The following ARID3A variants were observed in gnomAD, a reference collection of about 807,000 sequenced individuals.
ARID3A encodes AT-rich interaction domain 3A.
A neutral mutation model predicts 52.7 loss-of-function variants in ARID3A; 11 were observed. That is an observed-to-expected ratio of 0.21 (90% CI 0.13 to 0.35). ARID3A has a LOEUF of 0.35. Ranked by LOEUF, ARID3A falls within the 10% of genes least tolerant of loss-of-function variation. ARID3A has a pLI of 1.00. For synonymous variants in ARID3A, 404 were observed against 359.4 expected, an observed-to-expected ratio of 1.12 and a Z score of -1.40; for missense variants, 721 against 838.5, an observed-to-expected ratio of 0.86 and a Z score of 1.73.
In ARID3A at chr19:942,860, C is replaced by T. The variant is rs1027949092; in HGVS notation, c.693+10118C>T. On this transcript the variant is annotated intron_variant, in intron 3 of 8. Coordinates refer to ENST00000263620, the MANE Select transcript of ARID3A (RefSeq NM_005224.3). The surrounding 1 kb of genome is among the most constrained non-coding windows in gnomAD (Gnocchi z 8.1). ...GAGCCCCGTCTGGATTGGATGGCAT[C>T]GCCCAAAACTCACGTCCACCCAGAA... 7.2e-5 allele frequency among the ~76,000 whole-genome samples: 11 copies of T among 152,326 alleles called. No homozygotes were observed. The highest frequency in any genetic ancestry group is 2.1e-4 in the South Asian group (1 of 4,830).
intron 3 of ARID3A, among the ~76,000 whole-genome samples, chr19:958,300 G>A (rs1011679546): frequency 5.3e-5 from 8 of 151,002 alleles, no homozygotes; most frequent in Non-Finnish European, 1.0e-4. Flanking sequence ...GGTGGCGGGC[G>A]CCTGTAGTCC....
Position 959,142 on chromosome 19 carries a change from C to T in ARID3A, c.694-950C>T, listed in dbSNP as rs932256481. 3.3e-5 allele frequency among the ~76,000 whole-genome samples: 5 copies of T among 152,242 alleles called. No individual in the cohort carries two copies. The highest frequency in any genetic ancestry group is 1.2e-4 in the African/African-American group (5 of 41,470). ...CAGACATTTATCAGGACGCATCCTG[C>T]ACGAAGACAGAGGCAGAGGCTGGAG... On this transcript the variant is annotated intron_variant, in intron 3 of 8. Coordinates refer to ENST00000263620, the MANE Select transcript of ARID3A (RefSeq NM_005224.3). This position sits in a 1 kb window ranked among gnomAD's most constrained non-coding sequence, Gnocchi z 5.0.
rs117974097 is a variant in ARID3A at position 944,208 on chromosome 19, C to T, written c.693+11466C>T. On this transcript the variant is annotated intron_variant, in intron 3 of 8. Coordinates refer to ENST00000263620, the MANE Select transcript of ARID3A (RefSeq NM_005224.3). The surrounding 1 kb of genome is among the most constrained non-coding windows in gnomAD (Gnocchi z 5.9). ...ACAGCCGTGCATGAAGCAGAAGCTC[C>T]TGCCGCCGGCACTGGAGTCCTGACG... Among the ~76,000 whole-genome samples the T allele has an allele frequency of 5.9e-5, 9 of 152,378 alleles. No individual in the cohort carries two copies. In the East Asian group the frequency reaches 1.7e-3, roughly 29 times the overall value.
In ARID3A at chr19:956,015, G is replaced by A. The variant is rs141050638; in HGVS notation, c.694-4077G>A. On this transcript the variant is annotated intron_variant, in intron 3 of 8. Coordinates refer to ENST00000263620, the MANE Select transcript of ARID3A (RefSeq NM_005224.3). The stretch of plus-strand genomic sequence containing the variant: ...TCCAGGAGTCCCTTGACATGTGGCC[G>A]GCCTCTGTCTCTGTGCGACCGTCTC... 3.6e-3 allele frequency among the ~76,000 whole-genome samples: 541 copies of A among 152,190 alleles called. 6 individuals are homozygous for A. The highest frequency in any genetic ancestry group is 0.013 in the African/African-American group (529 of 41,544).
In ARID3A at chr19:944,382, G is replaced by A. The variant is rs908872450; in HGVS notation, c.693+11640G>A. 7.2e-5 allele frequency among the ~76,000 whole-genome samples: 11 copies of A among 152,034 alleles called. No individual in the cohort carries two copies. Among genetic ancestry groups the A allele is most frequent in the African/African-American group, 2.7e-4 (11 of 41,390 alleles). On this transcript the variant is annotated intron_variant, in intron 3 of 8. Coordinates refer to ENST00000263620, the MANE Select transcript of ARID3A (RefSeq NM_005224.3). The surrounding 1 kb of genome is among the most constrained non-coding windows in gnomAD (Gnocchi z 5.9). ...GGAGTGTCTGGCTGTGTGGCTGCAC[G>A]GAGGCCTGTCTGGGTAGGAGTGTCG...
In ARID3A at chr19:975,203, C is replaced by T. The variant is rs1313873514; in HGVS notation, c.*3138C>T. On this transcript the variant is annotated 3_prime_UTR_variant, in exon 9 of 9. Transcript: ENST00000263620. ...CGAGGACCCTGGATGGGTTCTAGTT[C>T]ACTTGGGACCGTGGGGCCTGGCTGC... The T allele has an allele frequency of 4.3e-6, 1 of 231,378 alleles. No homozygotes were observed. Among genetic ancestry groups the T allele is most frequent in the Non-Finnish European group, 8.5e-6 (1 of 116,984 alleles). The allele number at this position is 231,378 out of a possible 1,614,324, so 14.3% of individuals were successfully genotyped here. A position where few individuals can be genotyped will look rare whatever the true frequency, so the allele number is the denominator to read the frequency against.
In ARID3A at chr19:964,116, G is replaced by A; in HGVS notation, c.767-132G>A. ...GCACCCACAGAGGGCCCTGGGCAATGTCTGGAGACATCTGTGGTTGTCACA... is the reference window on the plus strand; with the variant it reads ...GCACCCACAGAGGGCCCTGGGCAATATCTGGAGACATCTGTGGTTGTCACA... On this transcript the variant is annotated intron_variant, in intron 4 of 8. Transcript: ENST00000263620. This position sits in a 1 kb window ranked among gnomAD's most constrained non-coding sequence, Gnocchi z 5.7. 1.4e-6 allele frequency: 1 copy of A among 717,298 alleles called. No homozygotes were observed. The highest frequency in any genetic ancestry group is 2.3e-6 in the Non-Finnish European group (1 of 439,382). 44.4% of individuals were successfully genotyped at this position (717,298 alleles called of 1,614,324 possible). A position where few individuals can be genotyped will look rare whatever the true frequency, so the allele number is the denominator to read the frequency against.
Position 941,845 on chromosome 19 carries a change from G to A in ARID3A, c.693+9103G>A, listed in dbSNP as rs1426385928. 6.6e-6 allele frequency among the ~76,000 whole-genome samples: 1 copy of A among 151,680 alleles called. No homozygotes were observed. The highest frequency in any genetic ancestry group is 1.5e-5 in the Non-Finnish European group (1 of 67,966). On this transcript the variant is annotated intron_variant, in intron 3 of 8. Transcript: ENST00000263620. The surrounding 1 kb of genome is among the most constrained non-coding windows in gnomAD (Gnocchi z 6.9). ...GCAAGCGTATGTGTGTGTGCACGTC[G>A]AGGCTGGAGAGTGTGTGTCCAAAAG...
chr19:973,794 T>C lies in ARID3A; in HGVS notation c.*1729T>C. On this transcript the variant is annotated 3_prime_UTR_variant, in exon 9 of 9. Coordinates refer to ENST00000263620, the MANE Select transcript of ARID3A (RefSeq NM_005224.3). ...CCACCACCCTGTGGGTCAGTACCCC[T>C]CCCCCTGGCTTGGAGAAAGTGGGGT... The C allele has an allele frequency of 4.4e-6, 1 of 227,598 alleles. No homozygotes were observed. 14.1% of individuals were successfully genotyped at this position (227,598 alleles called of 1,614,324 possible).
Position 964,393 on chromosome 19 carries a change from C to A in ARID3A, c.912C>A (p.Pro304=). The A allele has an allele frequency of 6.2e-7, 1 of 1,610,440 alleles. No homozygotes were observed. The highest frequency in any genetic ancestry group is 2.2e-5 in the East Asian group (1 of 44,636). ...WREITKGLNL[P]TSITSAAFTL... ...AGATCACCAAGGGCCTCAACCTGCC[C>A]ACGTCCATCACCAGTGCAGCCTTCA... The change falls in exon 5 of 9, where the codon CCC becomes CCA. Residue 304 remains proline, a synonymous_variant. Coordinates refer to ENST00000263620, the MANE Select transcript of ARID3A (RefSeq NM_005224.3). The surrounding 1 kb of genome is among the most constrained non-coding windows in gnomAD (Gnocchi z 5.7).
chr19:960,230 C>G lies in ARID3A; in HGVS notation c.766+66C>G. 6.8e-7 allele frequency: 1 copy of G among 1,471,288 alleles called. No homozygotes were observed. The highest frequency in any genetic ancestry group is 9.3e-7 in the Non-Finnish European group (1 of 1,072,148). The allele number at this position is 1,471,288 out of a possible 1,614,324, so 91.1% of individuals were successfully genotyped here. A position where few individuals can be genotyped will look rare whatever the true frequency, so the allele number is the denominator to read the frequency against. ...AAACAGGGCTGTAGGAGGGGCCCTA[C>G]TGGCTCCAGGTATGTCGGGGCGGTG... On this transcript the variant is annotated intron_variant, in intron 4 of 8. Coordinates refer to ENST00000263620, the MANE Select transcript of ARID3A (RefSeq NM_005224.3). The surrounding 1 kb of genome is among the most constrained non-coding windows in gnomAD (Gnocchi z 4.3).
At chr19:939,740 G>T (rs886435134) in intron 3 of ARID3A, among the ~76,000 whole-genome samples, 15 of 152,082 alleles carry the variant, frequency 9.9e-5, no homozygotes, top group Non-Finnish European at 1.5e-4. Context: ...TCGTGGCGCT[G>T]GACACCCCCA....
At chr19:950,076 GGCCGTCCCC>G (rs2037772978) in intron 3 of ARID3A, among the ~76,000 whole-genome samples, 1 of 131,864 alleles carries the variant, frequency 7.6e-6, no homozygotes, top group Non-Finnish European at 1.7e-5. Context: ...GGATGGATGA[GGCCGTCCCC>G]AGAGTGAACG....
intron 3 of ARID3A, among the ~76,000 whole-genome samples, chr19:946,176 G>A (rs567063021): frequency 2.6e-5 from 4 of 152,266 alleles, no homozygotes; most frequent in Non-Finnish European, 5.9e-5. Context: ...TGGCAGGTTC[G>A]TCACTGCCTG....
intron 4 of ARID3A, among the ~76,000 whole-genome samples, chr19:961,184 T>C (rs920871311): frequency 6.6e-6 from 1 of 152,050 alleles, no homozygotes; most frequent in Non-Finnish European, 1.5e-5. Context: ...GGCAGAGGGC[T>C]CTGTCCCTGC....
intron 3 of ARID3A, chr19:956,434 C>G (rs1029944035): frequency 6.6e-6 from 1 of 152,548 alleles, no homozygotes; most frequent in Non-Finnish European, 1.5e-5. Flanking sequence ...TGGACGGGGT[C>G]TCGGAGGAAG....
Position 929,450 on chromosome 19 carries a change from G to C in ARID3A, c.-79G>C. 1.1e-3 allele frequency: 1,225 copies of C among 1,142,034 alleles called. No homozygotes were observed. The highest frequency in any genetic ancestry group is 1.3e-3 in the Non-Finnish European group (1,138 of 906,100). The allele number at this position is 1,142,034 out of a possible 1,614,324, so 70.7% of individuals were successfully genotyped here. ...AGTGCGGCCGGGCCCCCTCCCCGCA[G>C]GGGCCGCCCCCGCCGCCCACCCCTA... On this transcript the variant is annotated 5_prime_UTR_variant, in exon 2 of 9. Transcript: ENST00000263620. This position sits in a 1 kb window ranked among gnomAD's most constrained non-coding sequence, Gnocchi z 6.2.
chr19:965,335 G>A (rs2038127183), intron 6 of ARID3A: 1 of 486,122 alleles, frequency 2.1e-6, no homozygotes, highest in African/African-American at 1.9e-5. Flanking sequence ...GGCCAAGGCA[G>A]ACATTACTAA....
chr19:968,549 C>T, intron 8 of ARID3A, 46 bp downstream of exon 8: 1 of 1,574,968 alleles, frequency 6.3e-7, no homozygotes, highest in Non-Finnish European at 8.7e-7. Flanking sequence ...GCCTCTCCCG[C>T]CGCCGTGAAC....
Sources: allele counts gnomAD v4.1 joint callset (sites outside exome capture counted in the v4.1 genomes callset), GRCh38; gene constraint gnomAD v4.1.1; non-coding constraint Gnocchi (gnomAD v3.1); transcripts MANE v1.5; gene names NCBI Gene and HGNC (gene_info 2026-07-23, HGNC 2026-07-21).